CYP3A43: variants seen among roughly 807,000 people sequenced by gnomAD.
The protein encoded by CYP3A43 is cytochrome P450 family 3 subfamily A member 43.
A neutral mutation model predicts 58.0 loss-of-function variants in CYP3A43; 45 were observed. The ratio of observed to expected loss-of-function variants is 0.78; its 90% CI spans 0.61 to 0.99. The LOEUF (loss-of-function observed/expected upper bound fraction) is 0.99. Among genes scored for constraint, CYP3A43 ranks in the 50% least tolerant of loss-of-function variants. The pLI, the probability that CYP3A43 is intolerant of heterozygous loss-of-function variation, is 0.00. For missense variants in CYP3A43, 593 were observed against 591.9 expected, an observed-to-expected ratio of 1.00 and a Z score of -0.02; for synonymous variants, 191 against 201.4, an observed-to-expected ratio of 0.95 and a Z score of 0.44.
chr7:99,838,811 T>C, intron 2 of CYP3A43: 3 of 543,882 alleles, frequency 5.5e-6, no homozygotes, highest in Non-Finnish European at 8.8e-6. Flanking sequence ...GAAACCCTAT[T>C]TCTACTAAAT....
intron 11 of CYP3A43, 70 bp from the exon 12 acceptor site, chr7:99,863,467 C>T (rs1584243868): frequency 2.2e-6 from 3 of 1,377,402 alleles, no homozygotes; most frequent in Non-Finnish European, 2.9e-6. Flanking sequence ...CCACCACACC[C>T]TGCATAACGT....
At chr7:99,835,805 G>A (rs906969594) in intron 1 of CYP3A43, among the ~76,000 whole-genome samples, 21 of 152,186 alleles carry the variant, frequency 1.4e-4, no homozygotes, top group Admixed American at 4.6e-4. Context: ...CAACATTAGC[G>A]TATGTAATAG....
At chr7:99,850,020 G>A (rs906420875) in intron 7 of CYP3A43, 6 of 442,448 alleles carry the variant, frequency 1.4e-5, no homozygotes, top group East Asian at 6.8e-5. Context: ...TGCATGGTGC[G>A]ATCTGGGCTC....
intron 12 of CYP3A43, 108 bp from the exon 13 acceptor site, chr7:99,865,798 T>A: frequency 1.5e-6 from 1 of 681,180 alleles, no homozygotes; most frequent in South Asian, 2.4e-5. Flanking sequence ...AAGTAGTTTT[T>A]TTTTAGTCAT....
chr7:99,838,743 G>A, intron 2 of CYP3A43: 2 of 1,091,952 alleles, frequency 1.8e-6, no homozygotes, highest in Non-Finnish European at 2.5e-6. Flanking sequence ...ACTTTGGGAG[G>A]CTGAAGCAGG....
Position 99,863,636 on chromosome 7 carries a change from CAT to C in CYP3A43, c.1355_1356del (p.Ile452LysfsTer6). On this transcript the variant is annotated frameshift_variant, in exon 12 of 13. Coordinates refer to ENST00000354829, the MANE Select transcript of CYP3A43 (RefSeq NM_057095.3). LOFTEE classifies it high-confidence loss of function. ...CIGMRFALTNIKLAVIRALQN... is the reference protein window; with the variant it reads ...CIGMRFALTNXKLAVIRALQN... Reference sequence around the variant, plus strand: ...TTGGCATGAGGTTTGCTCTCACAAACATAAAACTTGCTGTCATTAGAGCACTG... The same window carrying C: ...TTGGCATGAGGTTTGCTCTCACAAACAAAACTTGCTGTCATTAGAGCACTG... 1.2e-6 allele frequency: 2 copies of C among 1,613,976 alleles called. No individual in the cohort carries two copies. Among genetic ancestry groups the C allele is most frequent in the Non-Finnish European group, 1.7e-6 (2 of 1,179,906 alleles).
chr7:99,829,037 A>G (rs915621062), intron 1 of CYP3A43, among the ~76,000 whole-genome samples: 8 of 152,176 alleles, frequency 5.3e-5, no homozygotes, highest in African/African-American at 1.7e-4. Flanking sequence ...GAAACTCCCT[A>G]TCAGAAGCCA....
chr7:99,842,877 T>A (rs888647857), intron 3 of CYP3A43, among the ~76,000 whole-genome samples: 2 of 152,150 alleles, frequency 1.3e-5, no homozygotes, highest in African/African-American at 4.8e-5. Flanking sequence ...AGTATACATA[T>A]CCTCCTTCCC....
rs776288382 is a variant in CYP3A43 at position 99,849,528 on chromosome 7, A to T, written c.522-18A>T. On this transcript the variant is annotated intron_variant, in intron 6 of 12. Coordinates refer to ENST00000354829, the MANE Select transcript of CYP3A43 (RefSeq NM_057095.3). Reference sequence around the variant, plus strand: ...AAAGAGGTGCTGGTTTTAATTTTCCATGTTTTACTCTACTCAGTTTCTTTG... The same window carrying T: ...AAAGAGGTGCTGGTTTTAATTTTCCTTGTTTTACTCTACTCAGTTTCTTTG... 2 of 1,576,420 alleles carry T rather than the reference A, an allele frequency of 1.3e-6. No individual in the cohort carries two copies. Among genetic ancestry groups the T allele is most frequent in the East Asian group, 4.5e-5 (2 of 44,270 alleles).
chr7:99,854,717 C>T (rs1817904717), intron 7 of CYP3A43, among the ~76,000 whole-genome samples: 1 of 152,120 alleles, frequency 6.6e-6, no homozygotes, highest in East Asian at 1.9e-4. Context: ...CTGAACATTG[C>T]TTTGGCTACA....
intron 1 of CYP3A43, among the ~76,000 whole-genome samples, chr7:99,829,431 C>T (rs1816752255): frequency 1.3e-5 from 2 of 152,124 alleles, no homozygotes; most frequent in South Asian, 2.1e-4. Context: ...ATATCAAATA[C>T]ATTTAAGAAA....
At chr7:99,849,777 C>A in intron 7 of CYP3A43, 83 bp downstream of exon 7, 1 of 1,322,084 alleles carries the variant, frequency 7.6e-7, no homozygotes, top group Non-Finnish European at 1.0e-6. Context: ...ACAAAATTCA[C>A]ATACCATATA....
chr7:99,849,235 C>T (rs963801242), intron 6 of CYP3A43, among the ~76,000 whole-genome samples: 1 of 152,170 alleles, frequency 6.6e-6, no homozygotes, highest in Admixed American at 6.5e-5. Context: ...CACCTTTTAC[C>T]ATCCACACTC....
chr7:99,856,655 C>T (rs1817992117), intron 8 of CYP3A43, among the ~76,000 whole-genome samples, 178 bp from the exon 9 acceptor site: 1 of 152,202 alleles, frequency 6.6e-6, no homozygotes, highest in Non-Finnish European at 1.5e-5. Context: ...ACATCCTGCT[C>T]TCCAAGGTTT....
At chr7:99,842,011 C>G (rs1209664928) in intron 3 of CYP3A43, among the ~76,000 whole-genome samples, 1 of 152,170 alleles carries the variant, frequency 6.6e-6, no homozygotes, top group African/African-American at 2.4e-5. Flanking sequence ...TTGTCAATGA[C>G]AAAATAGTGG....
rs939071042 is a variant in CYP3A43, at chr7:99,861,509, T to A, written c.1027-104T>A. ...TAAATGCAACAATCTTTTACCAGAA[T>A]GAATTATTCTCTGGAGCTCCTAACA... is the stretch of plus-strand genomic sequence containing the variant. On this transcript the variant is annotated intron_variant, in intron 10 of 12. Coordinates refer to ENST00000354829, the MANE Select transcript of CYP3A43 (RefSeq NM_057095.3). The A allele has an allele frequency of 7.5e-6, 7 of 938,818 alleles. No individual in the cohort carries two copies. In the African/African-American group the frequency reaches 1.2e-4, roughly 16 times the overall value. 58.2% of individuals were successfully genotyped at this position (938,818 alleles called of 1,614,324 possible).
At chr7:99,862,243 T>C (rs1253211254) in intron 11 of CYP3A43, among the ~76,000 whole-genome samples, 1 of 152,222 alleles carries the variant, frequency 6.6e-6, no homozygotes, top group Non-Finnish European at 1.5e-5. Flanking sequence ...TTGTTATTCA[T>C]TTCAGTTTTT....
chr7:99,863,151 G>T (rs1296546790), intron 11 of CYP3A43, among the ~76,000 whole-genome samples: 1 of 152,148 alleles, frequency 6.6e-6, no homozygotes, highest in Non-Finnish European at 1.5e-5. Context: ...AATGCTGCAT[G>T]TCAGCTTCCC....
At chr7:99,849,944 T>A in intron 7 of CYP3A43, 1 of 526,064 alleles carries the variant, frequency 1.9e-6, no homozygotes. Flanking sequence ...CCCCTTCCAA[T>A]CTTCCTCACC....
Sources: allele counts gnomAD v4.1 joint callset (sites outside exome capture counted in the v4.1 genomes callset), GRCh38; gene constraint gnomAD v4.1.1; transcripts MANE v1.5; gene names NCBI Gene and HGNC (gene_info 2026-07-23, HGNC 2026-07-21).